Variants in CHST9 observed in about 807,000 individuals in gnomAD.
CHST9 encodes the protein GalNAc-4-sulfotransferase 2.
CHST9 carries 41 observed loss-of-function variants against 44.4 expected under a neutral mutation model. The observed-to-expected ratio is 0.92, with a 90% CI of 0.72 to 1.20. CHST9 has a LOEUF of 1.20. Ranked by LOEUF, CHST9 falls within the 50% of genes most tolerant of loss-of-function variation. CHST9 has a pLI of 0.00. For synonymous variants in CHST9, 171 were observed against 178.4 expected (o/e 0.96, Z 0.33); for missense variants, 504 against 516.5 (o/e 0.98, Z 0.23).
chr18:27,070,867 T>C (rs759035365), intron 2 of CHST9, among the ~76,000 whole-genome samples: 2 of 152,210 alleles, frequency 1.3e-5, no homozygotes, highest in African/African-American at 2.4e-5. Flanking sequence ...TTGTGCTTTT[T>C]GGTAGGTTTG....
At chr18:26,993,323 A>G (rs2056847201) in intron 4 of CHST9, among the ~76,000 whole-genome samples, 1 of 152,234 alleles carries the variant, frequency 6.6e-6, no homozygotes, top group Admixed American at 6.5e-5. Flanking sequence ...GAAATTAAAG[A>G]GAATTGAAAC....
At chr18:26,997,473 G>A (rs1198122943) in intron 4 of CHST9, among the ~76,000 whole-genome samples, 2 of 152,192 alleles carry the variant, frequency 1.3e-5, no homozygotes, top group Non-Finnish European at 2.9e-5. Context: ...AATTAGAGGA[G>A]AAACCACTAT....
At position 26,916,980 on chromosome 18, in the gene CHST9, G is replaced by A. The variant is rs1239308959; in HGVS notation, c.611C>T (p.Ser204Phe). 2 of 1,613,850 alleles carry A rather than the reference G, an allele frequency of 1.2e-6. No homozygotes were observed. Among genetic ancestry groups the A allele is most frequent in the Middle Eastern group, 1.7e-4 (1 of 6,060 alleles). Residue 204 changes from serine (S) to phenylalanine (F), a missense_variant, in exon 6 of 6, where the codon TCC (serine) becomes TTC (phenylalanine). Ser to Phe is a radical substitution (Grantham distance 155, BLOSUM62 -2). Coordinates refer to ENST00000618847, the MANE Select transcript of CHST9 (RefSeq NM_031422.6). ...HHQSHLFHTV[S>F]RIYVEDKHKI... ...GTGTTTATCTTCTACATAGATTCTG[G>A]ATACTGTATGAAAAAGATGTGACTG...
At chr18:27,182,055 C>T (rs2058916319) in intron 1 of CHST9, among the ~76,000 whole-genome samples, 1 of 152,152 alleles carries the variant, frequency 6.6e-6, no homozygotes, top group Non-Finnish European at 1.5e-5. Context: ...ACCAAACATG[C>T]AATACATTCC....
chr18:26,936,298 T>C (rs1288117375), intron 5 of CHST9: 1 of 152,192 alleles, frequency 6.6e-6, no homozygotes. Flanking sequence ...CAAGTTTTCA[T>C]TTGAGTCCTT....
At chr18:27,103,714 A>T (rs1231867669) in intron 2 of CHST9, among the ~76,000 whole-genome samples, 5 of 152,212 alleles carry the variant, frequency 3.3e-5, no homozygotes, top group African/African-American at 7.2e-5. Flanking sequence ...GAGTTAAGCC[A>T]AGTGGCCTTT....
At chr18:27,063,293 G>T (rs926698666) in intron 2 of CHST9, among the ~76,000 whole-genome samples, 2 of 152,060 alleles carry the variant, frequency 1.3e-5, no homozygotes, top group Non-Finnish European at 2.9e-5. Context: ...TGTGATACTG[G>T]TCTAATTTAT....
chr18:27,096,258 T>C (rs1178167936), intron 2 of CHST9, among the ~76,000 whole-genome samples: 1 of 151,564 alleles, frequency 6.6e-6, no homozygotes, highest in Non-Finnish European at 1.5e-5. Context: ...ACACAACATA[T>C]CAAAGTCTCT....
intron 4 of CHST9, among the ~76,000 whole-genome samples, chr18:26,989,735 A>G (rs1228432692): frequency 2.6e-5 from 4 of 152,192 alleles, no homozygotes; most frequent in Non-Finnish European, 5.9e-5. Context: ...GGATTGCTTG[A>G]GGCCAGGAGT....
At position 26,914,937 on chromosome 18, in the gene CHST9, G is replaced by C. The variant is rs1031025247; in HGVS notation, c.*1322C>G. 4.5e-5 allele frequency: 18 copies of C among 397,664 alleles called. No individual in the cohort carries two copies. Among genetic ancestry groups the C allele is most frequent in the African/African-American group, 3.7e-4 (18 of 48,522 alleles). 24.6% of individuals were successfully genotyped at this position (397,664 alleles called of 1,614,324 possible). A position where few individuals can be genotyped will look rare whatever the true frequency, so the allele number is the denominator to read the frequency against. The stretch of plus-strand genomic sequence containing the variant: ...GGGTAAAAGTCGACCAATTAAAGTA[G>C]GTTTCCCATCCAAATGTTTCCCATC... On this transcript the variant is annotated 3_prime_UTR_variant, in exon 6 of 6. Transcript: ENST00000618847.
At chr18:27,027,083 G>A (rs1052390484) in intron 3 of CHST9, among the ~76,000 whole-genome samples, 1 of 152,166 alleles carries the variant, frequency 6.6e-6, no homozygotes, top group African/African-American at 2.4e-5. Context: ...ACACAGCACT[G>A]AGCCAGGTAG....
intron 1 of CHST9, among the ~76,000 whole-genome samples, chr18:27,148,813 G>C (rs143177720): frequency 0.25 from 26,523 of 104,792 alleles, 5,264 homozygotes; most frequent in East Asian, 0.44. Flanking sequence ...TCTAGTTCTA[G>C]ATCCCTGAGG....
chr18:26,916,575 T>G lies in CHST9; in HGVS notation c.1016A>C (p.Asp339Ala). Residue 339 changes from aspartate to alanine, a missense_variant, in exon 6 of 6, where the codon GAT (aspartate) becomes GCT (alanine). By Grantham distance (126) the Asp-to-Ala change is moderately radical. Transcript: ENST00000618847. ...KFKEFIHYLL[D>A]SHRPVGMDIH... ...GTCCATTCCTACTGGACGGTGGGAA[T>G]CCAGCAAGTAGTGGATAAACTCTTT... 7 of 1,613,860 alleles carry G rather than the reference T, an allele frequency of 4.3e-6. No homozygotes were observed. The highest frequency in any genetic ancestry group is 1.1e-5 in the South Asian group (1 of 91,078).
At chr18:26,938,859 A>C (rs1436200652) in intron 5 of CHST9, among the ~76,000 whole-genome samples, 1 of 152,056 alleles carries the variant, frequency 6.6e-6, no homozygotes, top group Non-Finnish European at 1.5e-5. Context: ...CTTACCTGGG[A>C]GGGGAAGGAA....
At chr18:27,107,929 A>G (rs1300941090) in intron 2 of CHST9, among the ~76,000 whole-genome samples, 1 of 152,174 alleles carries the variant, frequency 6.6e-6, no homozygotes, top group Non-Finnish European at 1.5e-5. Context: ...TTTGTGTTCT[A>G]GTTACACTCA....
At chr18:27,104,934 G>A (rs890398544) in intron 2 of CHST9, among the ~76,000 whole-genome samples, 4 of 152,034 alleles carry the variant, frequency 2.6e-5, no homozygotes, top group African/African-American at 9.7e-5. Flanking sequence ...AGACATAGTT[G>A]TTAAATGAAT....
intron 4 of CHST9, among the ~76,000 whole-genome samples, chr18:27,015,126 C>CA (rs1360760555): frequency 6.6e-6 from 1 of 152,024 alleles, no homozygotes; most frequent in South Asian, 2.1e-4. Flanking sequence ...TCCCAAAGCT[C>CA]AAAAAAGAAG....
chr18:27,031,430 T>G (rs1441318298), intron 3 of CHST9, among the ~76,000 whole-genome samples: 5 of 152,176 alleles, frequency 3.3e-5, no homozygotes, highest in African/African-American at 9.7e-5. Flanking sequence ...AGCCACCTTT[T>G]GATCCTTTCT....
chr18:27,025,587 T>C (rs931770182), intron 3 of CHST9, among the ~76,000 whole-genome samples: 1 of 152,218 alleles, frequency 6.6e-6, no homozygotes, highest in African/African-American at 2.4e-5. Flanking sequence ...ATGAACTTCC[T>C]GGTGTAAGGT....
Sources: allele counts gnomAD v4.1 joint callset (sites outside exome capture counted in the v4.1 genomes callset), GRCh38; gene constraint gnomAD v4.1.1; transcripts MANE v1.5; gene names NCBI Gene and HGNC (gene_info 2026-07-23, HGNC 2026-07-21).